Variants in PRMT3 observed in about 807,000 individuals in gnomAD.
The protein encoded by PRMT3 is protein arginine methyltransferase 3, also known as protein arginine N-methyltransferase 3.
In PRMT3, 62 loss-of-function variants were observed where a neutral mutation model predicts 71.9. The ratio of observed to expected loss-of-function variants is 0.86; its 90% CI spans 0.70 to 1.07. PRMT3 has a LOEUF of 1.07. PRMT3 is among the 50% of genes least tolerant of loss of function. The pLI is 0.00. For missense variants in PRMT3, 663 were observed against 643.0 expected (o/e 1.03, Z -0.34); for synonymous variants, 213 against 220.4 (o/e 0.97, Z 0.30).
chr11:20,451,202 G>T (rs886840656), intron 10 of PRMT3, among the ~76,000 whole-genome samples: 3 of 151,922 alleles, frequency 2.0e-5, no homozygotes, highest in African/African-American at 7.3e-5. Flanking sequence ...CTTGGTAGAG[G>T]ATTCATTATC....
At chr11:20,441,340 C>T (rs1238997125) in intron 10 of PRMT3, among the ~76,000 whole-genome samples, 1 of 151,132 alleles carries the variant, frequency 6.6e-6, no homozygotes, top group East Asian at 1.9e-4. Context: ...GAGTCTCGCT[C>T]TTTCGCCCAG....
intron 9 of PRMT3, among the ~76,000 whole-genome samples, chr11:20,425,087 C>T (rs1849516250): frequency 6.8e-6 from 1 of 146,170 alleles, no homozygotes; most frequent in Non-Finnish European, 1.5e-5. Context: ...ACCTGGGCAA[C>T]AGAGTGAGAC....
chr11:20,501,683 G>T (rs1275282058), intron 15 of PRMT3, among the ~76,000 whole-genome samples: 1 of 152,102 alleles, frequency 6.6e-6, no homozygotes, highest in African/African-American at 2.4e-5. Context: ...GTAAAATATT[G>T]TAAATGGAAC....
At chr11:20,503,237 T>A (rs1185521411) in intron 15 of PRMT3, among the ~76,000 whole-genome samples, 1 of 152,216 alleles carries the variant, frequency 6.6e-6, no homozygotes, top group Non-Finnish European at 1.5e-5. Flanking sequence ...ATTATATTAC[T>A]ACTTTTGTAC....
intron 10 of PRMT3, among the ~76,000 whole-genome samples, chr11:20,437,675 C>T (rs941196312): frequency 2.6e-5 from 4 of 151,888 alleles, no homozygotes; most frequent in Non-Finnish European, 4.4e-5. Context: ...ATGCAAGCTC[C>T]GCCTCCCTGG....
At chr11:20,445,362 C>T (rs1219203210) in intron 10 of PRMT3, among the ~76,000 whole-genome samples, 1 of 152,058 alleles carries the variant, frequency 6.6e-6, no homozygotes, top group African/African-American at 2.4e-5. Context: ...CCTTCCCTTC[C>T]TATACCCCTA....
At chr11:20,415,017 G>GGTGTAT (rs1555009390) in intron 9 of PRMT3, among the ~76,000 whole-genome samples, 2 of 135,316 alleles carry the variant, frequency 1.5e-5, no homozygotes, top group African/African-American at 5.2e-5. Flanking sequence ...TGGTGGTAGT[G>GGTGTAT]GTGTGTGTGT....
chr11:20,430,605 T>G (rs983916952), intron 10 of PRMT3, among the ~76,000 whole-genome samples: 1 of 152,160 alleles, frequency 6.6e-6, no homozygotes, highest in Non-Finnish European at 1.5e-5. Flanking sequence ...AGTTTTCTTT[T>G]TATTTTATAT....
In PRMT3 at chr11:20,482,522, G is replaced by A. The variant is rs1850962988; in HGVS notation, c.1348-11397G>A. ...CAATAAGAGTGGACTCTTGATTAGA[G>A]ATGTCAGAGGGGTTCTCCCTAGACT... On this transcript the variant is annotated intron_variant, in intron 13 of 15. Transcript: ENST00000331079. Among the ~76,000 whole-genome samples the A allele has an allele frequency of 2.0e-5, 3 of 152,182 alleles. 1 individual carries two copies. Among genetic ancestry groups the A allele is most frequent in the Middle Eastern group, 6.8e-3 (2 of 294 alleles).
chr11:20,387,994 T>G lies in PRMT3; in HGVS notation c.29-25T>G, dbSNP rs138225004. The G allele has an allele frequency of 2.1e-3, 3,362 of 1,613,176 alleles. 75 individuals are homozygous for G. In the African/African-American group the frequency reaches 0.041, roughly 20 times the overall value. On this transcript the variant is annotated intron_variant, in intron 1 of 15. Transcript: ENST00000331079. This position sits in a 1 kb window ranked among gnomAD's most constrained non-coding sequence, Gnocchi z 4.3. Reference sequence around the variant, plus strand: ...GGGCCGCACCGGTGTCCGAGGCCGATCTGATTGTTGTGTGTGTGTGTTAGG... The same window carrying G: ...GGGCCGCACCGGTGTCCGAGGCCGAGCTGATTGTTGTGTGTGTGTGTTAGG...
chr11:20,457,511 A>G (rs73449285), intron 11 of PRMT3, among the ~76,000 whole-genome samples: 1 of 152,342 alleles, frequency 6.6e-6, no homozygotes, highest in African/African-American at 2.4e-5. Context: ...TTAATTTATA[A>G]CATGAAGATT....
In PRMT3 at chr11:20,496,474, GTC is replaced by G. The variant is rs572321136; in HGVS notation, c.1486+2222_1486+2223del. ...AGCAAAAAAGAAAATTGCAGAATGA[GTC>G]TGACAAGATACCATTTATGTGAACT... On this transcript the variant is annotated intron_variant, in intron 15 of 15. Coordinates refer to ENST00000331079, the MANE Select transcript of PRMT3 (RefSeq NM_005788.4). 1.6e-3 allele frequency among the ~76,000 whole-genome samples: 243 copies of G among 152,166 alleles called. 2 individuals are homozygous for G. Among genetic ancestry groups the G allele is most frequent in the African/African-American group, 5.7e-3 (238 of 41,548 alleles).
intron 15 of PRMT3, among the ~76,000 whole-genome samples, chr11:20,500,856 T>C (rs534620658): frequency 2.6e-5 from 4 of 152,320 alleles, no homozygotes; most frequent in Admixed American, 2.6e-4. Context: ...TTTATGTAAG[T>C]AACACCGTAA....
chr11:20,462,293 C>G, intron 12 of PRMT3, 126 bp downstream of exon 12: 1 of 712,842 alleles, frequency 1.4e-6, no homozygotes, highest in Non-Finnish European at 2.2e-6. Flanking sequence ...TGTAATCAGT[C>G]TAAAACAAAT....
At chr11:20,447,023 T>G (rs1453526494) in intron 10 of PRMT3, among the ~76,000 whole-genome samples, 2 of 152,168 alleles carry the variant, frequency 1.3e-5, no homozygotes, top group Non-Finnish European at 2.9e-5. Flanking sequence ...TTAGCACATT[T>G]TAAGATGGAA....
intron 10 of PRMT3, among the ~76,000 whole-genome samples, chr11:20,440,807 A>C (rs2133371965): frequency 6.6e-6 from 1 of 152,212 alleles, no homozygotes; most frequent in South Asian, 2.1e-4. Flanking sequence ...CTTTTTACTA[A>C]TCCTTTATTG....
At chr11:20,399,474 G>C (rs930524182) in intron 7 of PRMT3, among the ~76,000 whole-genome samples, 1 of 152,072 alleles carries the variant, frequency 6.6e-6, no homozygotes, top group African/African-American at 2.4e-5. Context: ...TTAAGTCTCA[G>C]TGAATTTGTT....
intron 4 of PRMT3, 37 bp downstream of exon 4, chr11:20,392,297 A>T: frequency 6.5e-7 from 1 of 1,529,778 alleles, no homozygotes; most frequent in Non-Finnish European, 8.9e-7. Flanking sequence ...TCGTTTAGAA[A>T]TCAAAGAAAT....
chr11:20,461,873 TAGTA>T, intron 11 of PRMT3, 103 bp from the exon 12 acceptor site: 1 of 958,378 alleles, frequency 1.0e-6, no homozygotes. Flanking sequence ...CTCCCATTGC[TAGTA>T]ATCCTTACTG....
Sources: allele counts gnomAD v4.1 joint callset (sites outside exome capture counted in the v4.1 genomes callset), GRCh38; gene constraint gnomAD v4.1.1; non-coding constraint Gnocchi (gnomAD v3.1); transcripts MANE v1.5; gene names NCBI Gene and HGNC (gene_info 2026-07-23, HGNC 2026-07-21).